Variants in USH2A observed in about 807,000 individuals in gnomAD.
The protein encoded by USH2A is Usher syndrome 2A (autosomal recessive, mild).
In USH2A, 443 loss-of-function variants were observed where a neutral mutation model predicts 538.9. The ratio of observed to expected loss-of-function variants is 0.82; its 90% confidence interval spans 0.76 to 0.89. The LOEUF (loss-of-function observed/expected upper bound fraction) is 0.89, where lower values mean the gene tolerates loss of function less well. USH2A is among the 40% of genes least tolerant of loss of function. The pLI, the probability that USH2A is intolerant of heterozygous loss-of-function variation, is 0.00. For synonymous variants in USH2A, 2,413 were observed against 2,273.5 expected, an observed-to-expected ratio of 1.06 and a Z score of -1.75; for missense variants, 6,633 against 6,324.8, an observed-to-expected ratio of 1.05 and a Z score of -1.65.
intron 32 of USH2A, among the ~76,000 whole-genome samples, chr1:216,020,231 C>T (rs1668816658): frequency 6.6e-6 from 1 of 152,056 alleles, no homozygotes; most frequent in Non-Finnish European, 1.5e-5. Flanking sequence ...GACAACTTGG[C>T]CAGGCTATGG....
At chr1:216,377,805 TAAAAA>T (rs1421341777) in intron 3 of USH2A, among the ~76,000 whole-genome samples, 10 of 9,050 alleles carry the variant, frequency 1.1e-3, no homozygotes, top group African/African-American at 2.5e-3. Flanking sequence ...AGGAAAGAAA[TAAAAA>T]GAAAGAAAGA....
At chr1:216,381,915 G>T (rs1056086224) in intron 3 of USH2A, among the ~76,000 whole-genome samples, 1 of 152,170 alleles carries the variant, frequency 6.6e-6, no homozygotes, top group African/African-American at 2.4e-5. Flanking sequence ...CATCCTGCAA[G>T]TACTGTATTT....
At chr1:216,305,431 A>G (rs982002429) in intron 9 of USH2A, among the ~76,000 whole-genome samples, 2 of 152,300 alleles carry the variant, frequency 1.3e-5, no homozygotes, top group Non-Finnish European at 2.9e-5. Flanking sequence ...TCTTGAGGAC[A>G]GCAGATACTT....
intron 22 of USH2A, among the ~76,000 whole-genome samples, chr1:216,090,074 A>C (rs1254061987): frequency 6.6e-6 from 1 of 152,044 alleles, no homozygotes; most frequent in Non-Finnish European, 1.5e-5. Flanking sequence ...AAGTTGATTT[A>C]CTTAACAAGA....
At chr1:215,683,765 A>G (rs1261331502) in intron 61 of USH2A, among the ~76,000 whole-genome samples, 1 of 151,272 alleles carries the variant, frequency 6.6e-6, no homozygotes, top group African/African-American at 2.4e-5. Flanking sequence ...CTTTTCCTCT[A>G]TAGAGATTAT....
rs144295704 is a variant in USH2A, at chr1:216,243,139, A to G, written c.2809+3446T>C. On this transcript the variant is annotated intron_variant, in intron 13 of 71. Coordinates refer to ENST00000307340, the MANE Select transcript of USH2A (RefSeq NM_206933.4). ...CAGCAGGGCCACTATAAACTGTAGCATGTCCTTGGAAGGAAGAGTGACTAG... is the reference window on the plus strand; with the variant it reads ...CAGCAGGGCCACTATAAACTGTAGCGTGTCCTTGGAAGGAAGAGTGACTAG... 1.9e-3 allele frequency among the ~76,000 whole-genome samples: 289 copies of G among 152,314 alleles called. 2 individuals carry two copies. Among genetic ancestry groups the G allele is most frequent in the African/African-American group, 6.5e-3 (270 of 41,580 alleles).
intron 38 of USH2A, among the ~76,000 whole-genome samples, chr1:215,903,061 G>A (rs1291455639): frequency 1.3e-5 from 2 of 152,062 alleles, no homozygotes; most frequent in South Asian, 2.1e-4. Flanking sequence ...TCTAGGAAAG[G>A]ATACTGAGAA....
intron 21 of USH2A, among the ~76,000 whole-genome samples, chr1:216,106,325 ATATATATG>A (rs560411315): frequency 0.018 from 2,582 of 144,030 alleles, 87 homozygotes; most frequent in African/African-American, 0.066. Flanking sequence ...TACTATATAT[ATATATATG>A]TATATGTATT....
At chr1:216,285,150 G>A (rs1007001788) in intron 11 of USH2A, among the ~76,000 whole-genome samples, 1 of 152,166 alleles carries the variant, frequency 6.6e-6, no homozygotes, top group Non-Finnish European at 1.5e-5. Flanking sequence ...AAGACAATGG[G>A]GGAAAGTGTC....
chr1:215,800,029 T>A lies in USH2A; in HGVS notation c.9740-904A>T, dbSNP rs1364209598. Among the ~76,000 whole-genome samples the A allele has an allele frequency of 3.9e-5, 6 of 151,900 alleles. No individual in the cohort carries two copies. The East Asian group carries it at 1.2e-3, about 29-fold the overall frequency. Reference sequence around the variant, plus strand: ...AAACAAAAAACAGAATTAGATAATCTTTTGCCTGGTACCTTAAAATCAAAG... The same window carrying A: ...AAACAAAAAACAGAATTAGATAATCATTTGCCTGGTACCTTAAAATCAAAG... On this transcript the variant is annotated intron_variant, in intron 49 of 71. Transcript: ENST00000307340.
At chr1:216,378,296 G>C (rs1320138856) in intron 3 of USH2A, among the ~76,000 whole-genome samples, 2 of 152,088 alleles carry the variant, frequency 1.3e-5, no homozygotes, top group African/African-American at 4.8e-5. Context: ...ACATAATACT[G>C]TTCAGGATCT....
At chr1:216,254,833 C>T (rs2036230175) in intron 11 of USH2A, among the ~76,000 whole-genome samples, 1 of 152,164 alleles carries the variant, frequency 6.6e-6, no homozygotes, top group Non-Finnish European at 1.5e-5. Flanking sequence ...AGCACTGAGC[C>T]AAACCATAGA....
chr1:216,275,148 CT>C (rs553356696), intron 11 of USH2A, among the ~76,000 whole-genome samples: 8 of 150,768 alleles, frequency 5.3e-5, no homozygotes, highest in South Asian at 2.1e-4. Flanking sequence ...CTCTCTCTCT[CT>C]TTTTTTTTGG....
At chr1:215,712,037 C>T (rs1185300207) in intron 61 of USH2A, among the ~76,000 whole-genome samples, 2 of 152,090 alleles carry the variant, frequency 1.3e-5, no homozygotes, top group African/African-American at 2.4e-5. Context: ...CTGTTAAAAA[C>T]GAGACACCAA....
At chr1:215,992,448 T>C (rs532193996) in intron 35 of USH2A, among the ~76,000 whole-genome samples, 8 of 152,310 alleles carry the variant, frequency 5.3e-5, no homozygotes, top group Non-Finnish European at 1.2e-4. Flanking sequence ...CAAAAACATA[T>C]ATATTGCTTA....
At chr1:215,971,592 CA>C in intron 35 of USH2A, among the ~76,000 whole-genome samples, 1 of 151,974 alleles carries the variant, frequency 6.6e-6, no homozygotes, top group East Asian at 1.9e-4. Context: ...CCTATCTCTA[CA>C]AAAAATAAAA....
intron 11 of USH2A, among the ~76,000 whole-genome samples, chr1:216,281,827 C>T (rs2036784369): frequency 6.7e-6 from 1 of 149,372 alleles, no homozygotes; most frequent in Admixed American, 6.7e-5. Context: ...GAGAAGACTC[C>T]AATTTCTCCA....
At chr1:216,246,429 T>G (rs1428015955) in intron 13 of USH2A, among the ~76,000 whole-genome samples, 156 bp downstream of exon 13, 4 of 152,222 alleles carry the variant, frequency 2.6e-5, no homozygotes, top group Non-Finnish European at 1.5e-5. Context: ...TTGAATAAGT[T>G]AAATAGTTAT....
At chr1:216,339,416 T>C (rs2038033574) in intron 4 of USH2A, among the ~76,000 whole-genome samples, 1 of 151,716 alleles carries the variant, frequency 6.6e-6, no homozygotes, top group African/African-American at 2.4e-5. Context: ...ATGGCAATTG[T>C]ATATTTTTCA....
Sources: allele counts gnomAD v4.1 joint callset (sites outside exome capture counted in the v4.1 genomes callset), GRCh38; gene constraint gnomAD v4.1.1; transcripts MANE v1.5; gene names NCBI Gene and HGNC (gene_info 2026-07-23, HGNC 2026-07-21).